Variants in FAAH2 observed in about 807,000 individuals in gnomAD.
FAAH2 encodes fatty-acid amide hydrolase 2.
FAAH2 carries 60 observed loss-of-function variants against 36.9 expected under a neutral mutation model. The observed-to-expected ratio is 1.63, with a 90% CI of 1.32 to 2.02. FAAH2 has a LOEUF of 2.02. Among genes scored for constraint, FAAH2 ranks in the 30% most tolerant of loss-of-function variants. The pLI, the probability that FAAH2 is intolerant of heterozygous loss-of-function variation, is 0.00. For synonymous variants in FAAH2, 214 were observed against 143.8 expected (o/e 1.49, Z -3.49); for missense variants, 689 against 397.5 (o/e 1.73, Z -6.23).
At chrX:57,310,833 A>C in intron 3 of FAAH2, 104 bp downstream of exon 3, 1 of 847,735 alleles carries the variant, frequency 1.2e-6, no homozygotes, top group Non-Finnish European at 1.6e-6. Context: ...GGACAAACTC[A>C]TGCTGCTTCC....
chrX:57,372,949 C>G (rs774001564), intron 5 of FAAH2, among the ~76,000 whole-genome samples: 1 of 110,771 alleles, frequency 9.0e-6, no homozygotes, highest in Non-Finnish European at 1.9e-5. Context: ...AGCTTAGCTT[C>G]CACGTATGAG....
the FAAH2 span, chrX:57,135,852 A>T: frequency 8.3e-7 from 1 of 1,208,516 alleles, no homozygotes; most frequent in East Asian, 3.0e-5. Context: ...GTAGACATAG[A>T]TATGGAAATC....
intron 3 of FAAH2, among the ~76,000 whole-genome samples, chrX:57,321,315 G>A (rs780621672): frequency 4.6e-5 from 5 of 109,095 alleles, no homozygotes; most frequent in Admixed American, 3.0e-4. Context: ...CACACATTAG[G>A]GCACATTGGG....
the FAAH2 span, among the ~76,000 whole-genome samples, chrX:57,132,776 G>A: frequency 8.9e-6 from 1 of 112,520 alleles, no homozygotes; most frequent in Non-Finnish European, 1.9e-5. Context: ...TTAATACGTG[G>A]ATGGCTTTCC....
chrX:57,224,459 G>A, the FAAH2 span, among the ~76,000 whole-genome samples: 5 of 110,943 alleles, frequency 4.5e-5, no homozygotes, highest in Admixed American at 1.9e-4. Context: ...AGATTCTCCC[G>A]GGGCCTGAAA....
chrX:57,415,378 CT>C (rs2055814652), intron 7 of FAAH2, among the ~76,000 whole-genome samples: 1 of 111,739 alleles, frequency 8.9e-6, no homozygotes, highest in African/African-American at 3.3e-5. Flanking sequence ...ATAAATTTCC[CT>C]CTAAACACTG....
At chrX:57,158,521 C>A in the FAAH2 span, among the ~76,000 whole-genome samples, 1 of 111,811 alleles carries the variant, frequency 8.9e-6, no homozygotes, top group Non-Finnish European at 1.9e-5. Flanking sequence ...TGTTTCCTGA[C>A]TTTTTAATGA....
chrX:57,370,651 T>C (rs1349720333), intron 5 of FAAH2, among the ~76,000 whole-genome samples: 2 of 112,250 alleles, frequency 1.8e-5, no homozygotes, highest in African/African-American at 6.5e-5. Flanking sequence ...TACCAGTCCA[T>C]CGCCTGTTAG....
chrX:57,383,169 A>G (rs1222253829), intron 7 of FAAH2, among the ~76,000 whole-genome samples: 2 of 112,075 alleles, frequency 1.8e-5, no homozygotes, highest in East Asian at 5.6e-4. Context: ...TATTGATGGG[A>G]CGTAGCTCAA....
At chrX:57,224,571 G>A in the FAAH2 span, among the ~76,000 whole-genome samples, 10 of 111,717 alleles carry the variant, frequency 9.0e-5, no homozygotes, top group Non-Finnish European at 1.5e-4. Flanking sequence ...CGGCAAGATA[G>A]CAGAAGCATG....
At chrX:57,123,714 A>T in the FAAH2 span, among the ~76,000 whole-genome samples, 7 of 112,344 alleles carry the variant, frequency 6.2e-5, no homozygotes, top group African/African-American at 2.3e-4. Flanking sequence ...GTGAGATGGT[A>T]TCTCATTGTG....
At chrX:57,480,882 G>A (rs1186264307) in intron 10 of FAAH2, among the ~76,000 whole-genome samples, 3 of 110,130 alleles carry the variant, frequency 2.7e-5, no homozygotes, top group South Asian at 3.9e-4. Flanking sequence ...CCAGTCGATC[G>A]TAGGTTTGTT....
At chrX:57,477,993 G>A (rs907843563) in intron 10 of FAAH2, among the ~76,000 whole-genome samples, 1 of 111,539 alleles carries the variant, frequency 9.0e-6, no homozygotes, top group Non-Finnish European at 1.9e-5. Context: ...TAATCCTTTG[G>A]GTATATACCC....
At chrX:57,321,003 G>T (rs184164820) in intron 3 of FAAH2, among the ~76,000 whole-genome samples, 1,345 of 110,084 alleles carry the variant, frequency 0.012, 12 homozygotes, top group African/African-American at 0.042. Flanking sequence ...AGCTGGGTGT[G>T]GTGGTGGGCG....
At chrX:57,379,676 G>A (rs897801196) in intron 6 of FAAH2, among the ~76,000 whole-genome samples, 2 of 109,716 alleles carry the variant, frequency 1.8e-5, no homozygotes, top group African/African-American at 3.3e-5. Flanking sequence ...ACTCTATGCC[G>A]CTTTTTGCCC....
upstream of FAAH2, among the ~76,000 whole-genome samples, chrX:57,284,281 G>A (rs1000029782): frequency 9.0e-6 from 1 of 111,541 alleles, no homozygotes; most frequent in Non-Finnish European, 1.9e-5. Context: ...GGCTGAGGCA[G>A]GAGAATCACT....
At chrX:57,454,688 A>G (rs1226275005) in intron 10 of FAAH2, among the ~76,000 whole-genome samples, 1 of 112,212 alleles carries the variant, frequency 8.9e-6, no homozygotes, top group Non-Finnish European at 1.9e-5. Flanking sequence ...AGAAAAATTA[A>G]GATGAAGAAA....
chrX:57,439,338 T>G (rs2056491220), intron 8 of FAAH2, among the ~76,000 whole-genome samples: 1 of 111,857 alleles, frequency 8.9e-6, no homozygotes, highest in Admixed American at 9.5e-5. Context: ...TGATTTGCAT[T>G]TCTCTGATGG....
chrX:57,320,876 C>T (rs2053000142), intron 3 of FAAH2, among the ~76,000 whole-genome samples: 1 of 112,065 alleles, frequency 8.9e-6, no homozygotes, highest in African/African-American at 3.2e-5. Flanking sequence ...TGGTGGCTCA[C>T]GCCTGTAATC....
Sources: gnomAD v4.1 joint callset for allele counts (sites outside exome capture counted in the v4.1 genomes callset) on GRCh38, gnomAD v4.1.1 for gene constraint, MANE v1.5 for transcripts, NCBI Gene and HGNC (gene_info 2026-07-23, HGNC 2026-07-21) for gene names.